Variants in LRMDA observed in about 807,000 individuals in gnomAD.
The protein encoded by LRMDA is leucine-rich melanocyte differentiation-associated protein.
Under a neutral mutation model 29.8 loss-of-function variants are expected in LRMDA, and 18 were observed. The observed-to-expected ratio is 0.60, with a 90% CI of 0.42 to 0.90. LRMDA has a LOEUF of 0.90. Ranked by LOEUF, LRMDA falls within the 40% of genes least tolerant of loss-of-function variation. The pLI, the probability that LRMDA is intolerant of heterozygous loss-of-function variation, is 0.00. For synonymous variants in LRMDA, 125 were observed against 109.4 expected (o/e 1.14, Z -0.89); for missense variants, 273 against 273.9 (o/e 1.00, Z 0.02).
chr10:76,387,014 T>G (rs1160770578), intron 6 of LRMDA, among the ~76,000 whole-genome samples: 1 of 152,144 alleles, frequency 6.6e-6, no homozygotes, highest in Non-Finnish European at 1.5e-5. Flanking sequence ...TATAAAATTT[T>G]GGGTTAAAAT....
At chr10:75,575,008 G>A (rs1840485215) in intron 2 of LRMDA, among the ~76,000 whole-genome samples, 1 of 152,182 alleles carries the variant, frequency 6.6e-6, no homozygotes, top group African/African-American at 2.4e-5. Context: ...CAATCATGGT[G>A]GAAGGCAAAG....
chr10:76,535,458 G>A (rs914973821), intron 6 of LRMDA, among the ~76,000 whole-genome samples: 1 of 152,110 alleles, frequency 6.6e-6, no homozygotes, highest in African/African-American at 2.4e-5. Flanking sequence ...AGCTTATAAT[G>A]CTTAAATAGG....
At chr10:75,761,066 G>A (rs1461253210) in intron 2 of LRMDA, among the ~76,000 whole-genome samples, 1 of 152,208 alleles carries the variant, frequency 6.6e-6, no homozygotes, top group Admixed American at 6.5e-5. Flanking sequence ...TAAGGTTCTT[G>A]TCTGCATGGA....
chr10:75,473,067 C>T (rs1277293009), intron 2 of LRMDA, among the ~76,000 whole-genome samples: 3 of 152,240 alleles, frequency 2.0e-5, no homozygotes, highest in African/African-American at 4.8e-5. Flanking sequence ...GTTTGCATCT[C>T]TTCTTCCCCC....
chr10:75,877,800 G>T (rs546580876), intron 2 of LRMDA, among the ~76,000 whole-genome samples: 29 of 152,310 alleles, frequency 1.9e-4, no homozygotes, highest in African/African-American at 7.0e-4. Context: ...CAATTTTCCT[G>T]TGATCATTGC....
chr10:75,869,327 C>T (rs952181809), intron 2 of LRMDA, among the ~76,000 whole-genome samples: 1 of 152,178 alleles, frequency 6.6e-6, no homozygotes, highest in African/African-American at 2.4e-5. Context: ...TACCATGCTG[C>T]ACCCCATGGC....
At chr10:75,833,336 T>C (rs76595286) in intron 2 of LRMDA, among the ~76,000 whole-genome samples, 3,286 of 152,304 alleles carry the variant, frequency 0.022, 106 homozygotes, top group African/African-American at 0.07. Flanking sequence ...CTAATGTCTC[T>C]GCCTATTAGG....
chr10:75,513,166 A>C (rs1489462715), intron 2 of LRMDA, among the ~76,000 whole-genome samples: 1 of 152,182 alleles, frequency 6.6e-6, no homozygotes, highest in Non-Finnish European at 1.5e-5. Flanking sequence ...TTTGTGGCAG[A>C]TGTGAAAAAT....
At chr10:75,848,537 T>C (rs1844679339) in intron 2 of LRMDA, among the ~76,000 whole-genome samples, 1 of 152,160 alleles carries the variant, frequency 6.6e-6, no homozygotes, top group African/African-American at 2.4e-5. Context: ...TGATCCAGCA[T>C]TGGGCACCCG....
Position 76,062,656 on chromosome 10 carries a change from C to CTGTGTG in LRMDA, c.516+3909_516+3914dup, listed in dbSNP as rs376071517. ...ATGGATGCTTCCAGACTTTATCTCTCTGTGTGTGTGTGTGTGTGTGTGTGT... is the reference window on the plus strand; with the variant it reads ...ATGGATGCTTCCAGACTTTATCTCTCTGTGTGTGTGTGTGTGTGTGTGTGTGTGTGT... On this transcript the variant is annotated intron_variant, in intron 5 of 6. Transcript: ENST00000611255. 8.1e-3 allele frequency among the ~76,000 whole-genome samples: 1,121 copies of CTGTGTG among 139,244 alleles called. 22 individuals carry two copies. Among genetic ancestry groups the CTGTGTG allele is most frequent in the African/African-American group, 0.027 (962 of 36,088 alleles). The allele number at this position is 139,244 out of a possible 152,430, so 91.3% of individuals were successfully genotyped here.
intron 3 of LRMDA, among the ~76,000 whole-genome samples, chr10:76,038,227 A>G (rs1382062837): frequency 6.6e-6 from 1 of 152,136 alleles, no homozygotes; most frequent in Non-Finnish European, 1.5e-5. Context: ...TCTTTTTCTC[A>G]TTTTTAAAGA....
intron 2 of LRMDA, among the ~76,000 whole-genome samples, chr10:75,924,500 C>T (rs2132393374): frequency 6.6e-6 from 1 of 152,220 alleles, no homozygotes; most frequent in African/African-American, 2.4e-5. Flanking sequence ...GGGATGCGTG[C>T]TGAGGGGGAG....
chr10:76,333,641 T>G (rs771585143), intron 6 of LRMDA, among the ~76,000 whole-genome samples: 10 of 152,128 alleles, frequency 6.6e-5, no homozygotes, highest in Non-Finnish European at 1.0e-4. Context: ...TCAGAGAAAC[T>G]GGACAGTCAG....
chr10:76,180,338 T>A (rs1174980752), intron 5 of LRMDA, among the ~76,000 whole-genome samples: 2 of 137,152 alleles, frequency 1.5e-5, no homozygotes, highest in African/African-American at 5.6e-5. Flanking sequence ...CCGGCTGGAG[T>A]GCAATGGCGT....
In LRMDA at chr10:75,561,350, A is replaced by G. The variant is rs927248602; in HGVS notation, c.131+122856A>G. On this transcript the variant is annotated intron_variant, in intron 2 of 6. Coordinates refer to ENST00000611255, the MANE Select transcript of LRMDA (RefSeq NM_001305581.2). ...GGTGTTTGTAGTATTCTCTGATGGT[A>G]GTTTGTATTTCTGTGGGATCAATGG... 1.2e-3 allele frequency among the ~76,000 whole-genome samples: 177 copies of G among 147,996 alleles called. 1 individual carries two copies. Among genetic ancestry groups the G allele is most frequent in the Non-Finnish European group, 2.0e-3 (135 of 66,324 alleles).
chr10:75,492,687 C>T (rs961281831), intron 2 of LRMDA, among the ~76,000 whole-genome samples: 12 of 152,222 alleles, frequency 7.9e-5, no homozygotes, highest in African/African-American at 2.9e-4. Flanking sequence ...TGCTCTCCCC[C>T]TAATGCTTTT....
At chr10:75,610,476 A>G (rs533649026) in intron 2 of LRMDA, among the ~76,000 whole-genome samples, 27 of 152,024 alleles carry the variant, frequency 1.8e-4, no homozygotes, top group African/African-American at 6.5e-4. Flanking sequence ...AACACATACC[A>G]CACCCCCACA....
intron 2 of LRMDA, among the ~76,000 whole-genome samples, chr10:75,464,056 C>A (rs1346163231): frequency 6.6e-6 from 1 of 152,218 alleles, no homozygotes; most frequent in Non-Finnish European, 1.5e-5. Context: ...CCCGCCTCGG[C>A]CTCCCAAAGT....
intron 2 of LRMDA, among the ~76,000 whole-genome samples, chr10:75,679,155 G>A (rs929448033): frequency 1.3e-5 from 2 of 152,096 alleles, no homozygotes; most frequent in African/African-American, 4.8e-5. Context: ...TGAGCCTAAA[G>A]CTCCCACTGT....
Sources: gnomAD v4.1 joint callset for allele counts (sites outside exome capture counted in the v4.1 genomes callset) on GRCh38, gnomAD v4.1.1 for gene constraint, MANE v1.5 for transcripts, NCBI Gene and HGNC (gene_info 2026-07-23, HGNC 2026-07-21) for gene names.